Variants in TNR observed in about 807,000 individuals in gnomAD.
The protein encoded by TNR is tenascin-R.
In TNR, 45 loss-of-function variants were observed where a neutral mutation model predicts 150.4. That is an observed-to-expected ratio of 0.30 (90% CI 0.24 to 0.38). The LOEUF (loss-of-function observed/expected upper bound fraction) is 0.38. Among genes scored for constraint, TNR ranks in the 10% least tolerant of loss-of-function variants. TNR has a pLI of 1.00. For missense variants in TNR, 1,544 were observed against 1,759.1 expected, an observed-to-expected ratio of 0.88 and a Z score of 2.19; for synonymous variants, 687 against 678.4, an observed-to-expected ratio of 1.01 and a Z score of -0.20.
rs202074205 is a variant in TNR, at chr1:175,416,984, G to A, written c.-63-10207C>T. 1.1e-4 allele frequency among the ~76,000 whole-genome samples: 9 copies of A among 83,068 alleles called. No homozygotes were observed. In the East Asian group the frequency reaches 2.7e-3, roughly 25 times the overall value. 54.5% of individuals were successfully genotyped at this position (83,068 alleles called of 152,430 possible). A position where few individuals can be genotyped will look rare whatever the true frequency, so the allele number is the denominator to read the frequency against. ...GATTGCGCCACTGCACTCCAGCCTGGGCTACAGAGCGAGACTCCATCTCAA... is the reference window on the plus strand; with the variant it reads ...GATTGCGCCACTGCACTCCAGCCTGAGCTACAGAGCGAGACTCCATCTCAA... On this transcript the variant is annotated intron_variant, in intron 2 of 22. Transcript: ENST00000367674.
At position 175,366,084 on chromosome 1, in the gene TNR, G is replaced by T; in HGVS notation, c.2108C>A (p.Ser703Tyr). The change falls in exon 11 of 23, where the codon TCC (serine) becomes TAC (tyrosine). Residue 703 changes from serine to tyrosine, a missense_variant. By Grantham distance (144) the Ser-to-Tyr change is moderately radical. Around this residue, in one of 2 missense-constraint regions of TNR, gnomAD observed 1,254 missense variants for 1,329.4 expected, o/e 0.94. Coordinates refer to ENST00000367674, the MANE Select transcript of TNR (RefSeq NM_003285.3). ...MVTASSETSI[S>Y]LIWTKASGPI... Reference sequence around the variant, plus strand: ...GCCACTGGCCTTGGTCCAGATGAGGGAGATGGAGGTCTCCGAGGAGGCTGT... The same window carrying T: ...GCCACTGGCCTTGGTCCAGATGAGGTAGATGGAGGTCTCCGAGGAGGCTGT... 6.2e-7 allele frequency: 1 copy of T among 1,613,822 alleles called. No homozygotes were observed. The highest frequency in any genetic ancestry group is 8.5e-7 in the Non-Finnish European group (1 of 1,179,804).
At chr1:175,451,542 T>C (rs747572134) in intron 2 of TNR, among the ~76,000 whole-genome samples, 1 of 151,846 alleles carries the variant, frequency 6.6e-6, no homozygotes, top group African/African-American at 2.4e-5. Context: ...AGGGGAAGCC[T>C]CAGTTACATC....
intron 1 of TNR, among the ~76,000 whole-genome samples, chr1:175,619,412 T>C (rs919461152): frequency 1.3e-5 from 2 of 152,186 alleles, no homozygotes; most frequent in Non-Finnish European, 2.9e-5. Context: ...TGGAACCATT[T>C]CAATGCAGAA....
rs1413060829 is a variant in TNR at position 175,337,610 on chromosome 1, A to G, written c.3452T>C (p.Val1151Ala). The G allele has an allele frequency of 6.2e-7, 1 of 1,614,112 alleles. No individual in the cohort carries two copies. ...CTCCCCATTGAGGAAGATGGGGTAA[A>G]CCCCACTCAAAGTGTCTCCATTCAT... ...HLMNGDTLSG[V>A]YPIFLNGELS... Residue 1151 changes from valine (V) to alanine (A), a missense_variant, in exon 19 of 23, where the codon GTT becomes GCT. This residue lies in a region of TNR where 290 missense variants were observed against 429.7 expected (regional missense o/e 0.67). Coordinates refer to ENST00000367674, the MANE Select transcript of TNR (RefSeq NM_003285.3).
chr1:175,437,431 A>G (rs936401548), intron 2 of TNR, among the ~76,000 whole-genome samples: 1 of 152,274 alleles, frequency 6.6e-6, no homozygotes, highest in Non-Finnish European at 1.5e-5. Flanking sequence ...GGCAGGAAAG[A>G]TCTAAAATTG....
chr1:175,491,990 C>A (rs1203409613), intron 2 of TNR, among the ~76,000 whole-genome samples: 1 of 150,102 alleles, frequency 6.7e-6, no homozygotes, highest in Non-Finnish European at 1.5e-5. Flanking sequence ...TAGTTGGTTC[C>A]ATGAATTATT....
chr1:175,727,306 TG>T (rs1377485960), intron 1 of TNR, among the ~76,000 whole-genome samples: 4 of 152,200 alleles, frequency 2.6e-5, no homozygotes, highest in African/African-American at 9.7e-5. Context: ...TACGAATAAT[TG>T]TCCAATAATG....
chr1:175,387,188 A>C (rs2102031927), intron 7 of TNR, among the ~76,000 whole-genome samples: 1 of 152,358 alleles, frequency 6.6e-6, no homozygotes, highest in African/African-American at 2.4e-5. Flanking sequence ...GTAGAAGAAG[A>C]AAGAAAAAGA....
At chr1:175,434,789 T>C (rs76346867) in intron 2 of TNR, among the ~76,000 whole-genome samples, 1,897 of 152,290 alleles carry the variant, frequency 0.012, 41 homozygotes, top group African/African-American at 0.042. Flanking sequence ...AATTTGCTCC[T>C]GTTGCTCCTC....
In TNR at chr1:175,323,749, C is replaced by T. The variant is rs1026908244; in HGVS notation, c.3958-273G>A. 3.3e-5 allele frequency among the ~76,000 whole-genome samples: 5 copies of T among 152,188 alleles called. No homozygotes were observed. The South Asian group carries it at 8.3e-4, about 25-fold the overall frequency. On this transcript the variant is annotated intron_variant, in intron 22 of 22. Coordinates refer to ENST00000367674, the MANE Select transcript of TNR (RefSeq NM_003285.3). ...CTTTGTTTTTGGCTTCCAGGAGTGGCATGCACCAGTAGATGGTTGTGAAAT... is the reference window on the plus strand; with the variant it reads ...CTTTGTTTTTGGCTTCCAGGAGTGGTATGCACCAGTAGATGGTTGTGAAAT...
intron 2 of TNR, among the ~76,000 whole-genome samples, chr1:175,438,229 C>G (rs897955514): frequency 6.6e-6 from 1 of 152,102 alleles, no homozygotes; most frequent in Non-Finnish European, 1.5e-5. Flanking sequence ...TCAACATATG[C>G]AAATCAATAA....
chr1:175,600,641 G>A (rs1489062338), intron 1 of TNR, among the ~76,000 whole-genome samples: 2 of 152,230 alleles, frequency 1.3e-5, no homozygotes, highest in African/African-American at 4.8e-5. Flanking sequence ...GCTGAGGGGT[G>A]AGTAGGAGCA....
intron 2 of TNR, among the ~76,000 whole-genome samples, chr1:175,470,658 GTACATTCTTTAAGT>G (rs1246714935): frequency 6.6e-6 from 1 of 152,266 alleles, no homozygotes; most frequent in East Asian, 1.9e-4. Context: ...AAAAACCCAA[GTACATTCTTTAAGT>G]TATTTAAAAA....
chr1:175,421,244 A>C (rs1654743970), intron 2 of TNR, among the ~76,000 whole-genome samples: 1 of 152,192 alleles, frequency 6.6e-6, no homozygotes, highest in Non-Finnish European at 1.5e-5. Flanking sequence ...CTTCTCCAGG[A>C]CTGGATCACC....
chr1:175,531,964 T>C (rs567577487), intron 1 of TNR, among the ~76,000 whole-genome samples: 2 of 152,190 alleles, frequency 1.3e-5, no homozygotes, highest in African/African-American at 4.8e-5. Flanking sequence ...CAATCACAGA[T>C]TTTTCTCCAG....
chr1:175,473,905 A>G (rs1349544535), intron 2 of TNR, among the ~76,000 whole-genome samples: 2 of 151,974 alleles, frequency 1.3e-5, no homozygotes, highest in African/African-American at 2.4e-5. Context: ...AAATGAGGAG[A>G]TTCATGGCCG....
intron 2 of TNR, among the ~76,000 whole-genome samples, chr1:175,453,038 C>T (rs1404745566): frequency 6.6e-6 from 1 of 151,710 alleles, no homozygotes; most frequent in African/African-American, 2.4e-5. Context: ...ATGGTGGTCA[C>T]GGTGGTACAA....
chr1:175,451,440 G>T (rs1656314023), intron 2 of TNR, among the ~76,000 whole-genome samples: 1 of 147,602 alleles, frequency 6.8e-6, no homozygotes, highest in Admixed American at 6.8e-5. Flanking sequence ...CTCATTGTAA[G>T]GCACCTGGTT....
At chr1:175,432,139 C>G (rs1006410852) in intron 2 of TNR, among the ~76,000 whole-genome samples, 1 of 152,116 alleles carries the variant, frequency 6.6e-6, no homozygotes, top group Non-Finnish European at 1.5e-5. Flanking sequence ...GAGGCATCCA[C>G]AGAGGACAAT....
Sources: allele counts gnomAD v4.1 joint callset (sites outside exome capture counted in the v4.1 genomes callset), GRCh38; gene constraint gnomAD v4.1.1; regional missense constraint gnomAD v4.1.1; transcripts MANE v1.5; gene names NCBI Gene and HGNC (gene_info 2026-07-23, HGNC 2026-07-21).